The following BAIAP2 variants were observed in gnomAD, a reference collection of about 807,000 sequenced individuals.
BAIAP2 encodes the protein BAR/IMD domain-containing adapter protein 2.
Under a neutral mutation model 63.0 loss-of-function variants are expected in BAIAP2, and 18 were observed. The ratio of observed to expected loss-of-function variants is 0.29; its 90% CI spans 0.20 to 0.42. BAIAP2 has a LOEUF of 0.42. BAIAP2 is among the 10% of genes least tolerant of loss of function. The pLI is 1.00. For missense variants in BAIAP2, 610 were observed against 734.3 expected (o/e 0.83, Z 1.96); for synonymous variants, 386 against 307.6 (o/e 1.25, Z -2.67).
intron 7 of BAIAP2, among the ~76,000 whole-genome samples, chr17:81,100,594 A>G (rs1568170255): frequency 6.6e-6 from 1 of 152,036 alleles, no homozygotes; most frequent in South Asian, 2.1e-4. Context: ...GTCCCCAGCC[A>G]CCCAAGACCA....
At chr17:81,083,169 A>T (rs2054929829) in intron 3 of BAIAP2, 1 of 152,340 alleles carries the variant, frequency 6.6e-6, no homozygotes, top group African/African-American at 2.4e-5. Flanking sequence ...CCTGCGTGTC[A>T]CCGGGGGCCT....
intron 6 of BAIAP2, among the ~76,000 whole-genome samples, chr17:81,090,158 TTGGATC>T (rs974589352): frequency 1.3e-3 from 201 of 152,294 alleles, no homozygotes; most frequent in African/African-American, 4.7e-3. Context: ...AGGCTTAGGC[TTGGATC>T]TGGCTCTGTC....
chr17:81,060,494 G>A (rs569943584), intron 3 of BAIAP2, among the ~76,000 whole-genome samples: 27 of 152,262 alleles, frequency 1.8e-4, no homozygotes, highest in African/African-American at 6.3e-4. Context: ...CATGTTTACC[G>A]TCCCTCTGTG....
chr17:81,044,828 A>G (rs989397139), intron 1 of BAIAP2, among the ~76,000 whole-genome samples: 1 of 152,264 alleles, frequency 6.6e-6, no homozygotes, highest in Admixed American at 6.5e-5. Flanking sequence ...ACGAGCAGTC[A>G]GCTGGCAAGG....
chr17:81,066,965 C>T (rs2051585479), intron 3 of BAIAP2, among the ~76,000 whole-genome samples: 1 of 152,244 alleles, frequency 6.6e-6, no homozygotes, highest in South Asian at 2.1e-4. Flanking sequence ...GTCTTCCTGA[C>T]AGACACCATT....
At chr17:81,053,478 G>A in intron 1 of BAIAP2, 190 bp from the exon 2 acceptor site, 1 of 627,584 alleles carries the variant, frequency 1.6e-6, no homozygotes, top group South Asian at 1.9e-5. Context: ...GGCTCAGGAA[G>A]GTCATTTTCC....
intron 11 of BAIAP2, 97 bp from the exon 12 acceptor site, chr17:81,106,648 G>A: frequency 6.9e-7 from 1 of 1,439,790 alleles, no homozygotes; most frequent in Non-Finnish European, 9.6e-7. Flanking sequence ...CATGTGGCGT[G>A]GGCTAGGTGA....
intron 1 of BAIAP2, among the ~76,000 whole-genome samples, chr17:81,051,408 TG>T (rs1201083316): frequency 2.0e-5 from 3 of 152,132 alleles, no homozygotes; most frequent in Non-Finnish European, 4.4e-5. Flanking sequence ...TTTGTATTTA[TG>T]TATTTTTTTG....
At chr17:81,112,534 G>A (rs1314663579) in intron 13 of BAIAP2, among the ~76,000 whole-genome samples, 1 of 152,246 alleles carries the variant, frequency 6.6e-6, no homozygotes, top group Non-Finnish European at 1.5e-5. Flanking sequence ...AGCGTCCCTG[G>A]CCGCTGTCCA....
At chr17:81,108,826 C>T (rs1034275616) in intron 13 of BAIAP2, 13 of 1,326,534 alleles carry the variant, frequency 9.8e-6, no homozygotes, top group East Asian at 7.6e-5. Flanking sequence ...ATCTGTGCTC[C>T]GCCCTTGTCC....
intron 13 of BAIAP2, chr17:81,110,614 C>G: frequency 8.1e-7 from 1 of 1,239,964 alleles, no homozygotes; most frequent in South Asian, 3.0e-5. Flanking sequence ...GGCACTCAGT[C>G]GCCTGCTAGA....
At chr17:81,036,941 C>G (rs1449677813) in intron 1 of BAIAP2, 4 of 1,535,928 alleles carry the variant, frequency 2.6e-6, no homozygotes, top group South Asian at 1.2e-5. Flanking sequence ...CAGGAACTTT[C>G]GTGGTGAGAG....
At chr17:81,050,220 C>G (rs1397460183) in intron 1 of BAIAP2, among the ~76,000 whole-genome samples, 1 of 152,228 alleles carries the variant, frequency 6.6e-6, no homozygotes, top group African/African-American at 2.4e-5. Context: ...GGAGTCCCCC[C>G]TTACAATGTT....
Position 81,104,677 on chromosome 17 carries a change from C to A in BAIAP2, c.1230C>A (p.Arg410=). ...TTACCCTGCTGGTGCCTGAGGCCCG[C>A]GATGGCTGGCACTACGGAGAGAGTG... ...DLITLLVPEA[R]DGWHYGESEK... The change falls in exon 10 of 14, where the codon CGC becomes CGA. Residue 410 remains arginine, a synonymous_variant. Coordinates refer to ENST00000428708, the MANE Select transcript of BAIAP2 (RefSeq NM_001144888.2). 3 of 1,601,488 alleles carry A rather than the reference C, an allele frequency of 1.9e-6. No homozygotes were observed. Among genetic ancestry groups the A allele is most frequent in the Non-Finnish European group, 2.6e-6 (3 of 1,174,508 alleles).
At chr17:81,058,669 G>C (rs1056157086) in intron 3 of BAIAP2, among the ~76,000 whole-genome samples, 2 of 152,224 alleles carry the variant, frequency 1.3e-5, no homozygotes, top group African/African-American at 4.8e-5. Flanking sequence ...GGCCCTTGAC[G>C]CACAAGGAAG....
chr17:81,038,649 G>A (rs995089919), intron 1 of BAIAP2, among the ~76,000 whole-genome samples: 1 of 152,242 alleles, frequency 6.6e-6, no homozygotes, highest in Admixed American at 6.5e-5. Context: ...TGGGTTTGCC[G>A]CCTCTGGTGT....
chr17:81,054,578 C>T (rs1171936684), intron 2 of BAIAP2, among the ~76,000 whole-genome samples: 2 of 152,168 alleles, frequency 1.3e-5, no homozygotes, highest in African/African-American at 4.8e-5. Flanking sequence ...GTCAGTCCCT[C>T]AGGATCATGT....
At chr17:81,044,135 G>GT (rs2047464377) in intron 1 of BAIAP2, among the ~76,000 whole-genome samples, 1 of 152,218 alleles carries the variant, frequency 6.6e-6, no homozygotes, top group African/African-American at 2.4e-5. Context: ...CTGACCTGAG[G>GT]TTGGCGGGAG....
intron 1 of BAIAP2, among the ~76,000 whole-genome samples, chr17:81,044,368 G>C (rs545475480): frequency 6.6e-6 from 1 of 152,324 alleles, no homozygotes; most frequent in Admixed American, 6.5e-5. Flanking sequence ...CGTTGGAGGG[G>C]GACCAACACG....
Sources: gnomAD v4.1 joint callset for allele counts (sites outside exome capture counted in the v4.1 genomes callset) on GRCh38, gnomAD v4.1.1 for gene constraint, MANE v1.5 for transcripts, NCBI Gene and HGNC (gene_info 2026-07-23, HGNC 2026-07-21) for gene names.